Variants in CEP128 observed in about 807,000 individuals in gnomAD.
CEP128 encodes the protein centrosomal protein 128kDa.
In CEP128, 132 loss-of-function variants were observed where a neutral mutation model predicts 156.7. The observed-to-expected ratio is 0.84, with a 90% CI of 0.73 to 0.97. The LOEUF is 0.97. Among genes scored for constraint, CEP128 ranks in the 50% least tolerant of loss-of-function variants. The probability of loss-of-function intolerance (pLI) is 0.00; values close to 1 mark genes in which losing one functional copy is unlikely to be tolerated. For synonymous variants in CEP128, 469 were observed against 448.9 expected (o/e 1.04, Z -0.57); for missense variants, 1,252 against 1,281.9 (o/e 0.98, Z 0.36).
chr14:80,601,632 T>A (rs1892585858), intron 19 of CEP128, among the ~76,000 whole-genome samples: 1 of 152,176 alleles, frequency 6.6e-6, no homozygotes, highest in African/African-American at 2.4e-5. Context: ...GCAATGAACA[T>A]GTTTGTACAG....
chr14:80,766,363 T>C (rs186513996), intron 16 of CEP128, among the ~76,000 whole-genome samples: 2 of 152,330 alleles, frequency 1.3e-5, no homozygotes, highest in Admixed American at 6.5e-5. Flanking sequence ...TTAACTGGTT[T>C]GATGAACTGT....
intron 23 of CEP128, among the ~76,000 whole-genome samples, chr14:80,507,914 AT>A (rs888541873): frequency 7.2e-5 from 11 of 152,006 alleles, no homozygotes; most frequent in Non-Finnish European, 1.6e-4. Context: ...TAATAATTTA[AT>A]TTTTTTTGTT....
At chr14:80,570,051 T>C (rs1313573340) in intron 20 of CEP128, among the ~76,000 whole-genome samples, 3 of 152,214 alleles carry the variant, frequency 2.0e-5, no homozygotes, top group Non-Finnish European at 2.9e-5. Flanking sequence ...ACTAGTACCA[T>C]AAAAATCAAA....
chr14:80,934,175 A>C (rs550433193), intron 2 of CEP128, among the ~76,000 whole-genome samples: 40 of 152,190 alleles, frequency 2.6e-4, no homozygotes, highest in Non-Finnish European at 5.4e-4. Flanking sequence ...CTCCTGTCTT[A>C]ATAAGTTACA....
intron 19 of CEP128, among the ~76,000 whole-genome samples, chr14:80,587,500 C>A (rs1002694545): frequency 1.3e-5 from 2 of 152,132 alleles, no homozygotes; most frequent in African/African-American, 4.8e-5. Context: ...TCTGGTGAAA[C>A]TTTCCACTTC....
chr14:80,607,481 T>C (rs79660252), intron 19 of CEP128, among the ~76,000 whole-genome samples: 1,616 of 152,322 alleles, frequency 0.011, 8 homozygotes, highest in Middle Eastern at 0.017. Flanking sequence ...AGTGTTCACA[T>C]GCACAAAGCT....
At chr14:80,742,995 G>A in intron 19 of CEP128, 80 bp downstream of exon 19, 1 of 1,236,672 alleles carries the variant, frequency 8.1e-7, no homozygotes, top group South Asian at 1.3e-5. Flanking sequence ...GGATGCAACA[G>A]AAGTAGGTTT....
At chr14:80,507,042 T>A (rs1005556858) in intron 23 of CEP128, among the ~76,000 whole-genome samples, 29 of 151,512 alleles carry the variant, frequency 1.9e-4, no homozygotes, top group Non-Finnish European at 7.4e-5. Context: ...CAGCTCTTGC[T>A]GCTGCTTTTG....
downstream of CEP128, among the ~76,000 whole-genome samples, chr14:80,488,657 C>A (rs76584896): frequency 6.6e-5 from 10 of 151,848 alleles, no homozygotes; most frequent in East Asian, 7.8e-4. Flanking sequence ...GGATTATAAA[C>A]CATGTTGCTA....
chr14:80,842,132 T>C (rs914431909), intron 9 of CEP128, among the ~76,000 whole-genome samples: 1 of 152,098 alleles, frequency 6.6e-6, no homozygotes. Flanking sequence ...AATAATGTAC[T>C]TTTCTATTAT....
At chr14:80,801,933 A>AAAAAAAAG (rs1883892770) in intron 13 of CEP128, among the ~76,000 whole-genome samples, 1 of 150,046 alleles carries the variant, frequency 6.7e-6, no homozygotes, top group Non-Finnish European at 1.5e-5. Context: ...AAAAAAAAAA[A>AAAAAAAAG]AAAAGCTCAA....
At chr14:80,635,594 T>C (rs1336975005) in intron 19 of CEP128, among the ~76,000 whole-genome samples, 3 of 152,202 alleles carry the variant, frequency 2.0e-5, no homozygotes, top group South Asian at 2.1e-4. Flanking sequence ...CTGACATTAG[T>C]AGGTTTTCAA....
intron 19 of CEP128, among the ~76,000 whole-genome samples, chr14:80,600,182 T>C (rs1892521574): frequency 6.6e-6 from 1 of 152,012 alleles, no homozygotes; most frequent in Admixed American, 6.6e-5. Flanking sequence ...AAAAAGAAAG[T>C]GGGGAAGAAA....
downstream of CEP128, among the ~76,000 whole-genome samples, chr14:80,487,491 C>T (rs1406452526): frequency 6.6e-6 from 1 of 152,068 alleles, no homozygotes; most frequent in South Asian, 2.1e-4. Flanking sequence ...AACAAGGATA[C>T]CCAGGAATTG....
intron 23 of CEP128, among the ~76,000 whole-genome samples, chr14:80,522,911 A>T (rs1888807980): frequency 6.6e-6 from 1 of 152,248 alleles, no homozygotes; most frequent in African/African-American, 2.4e-5. Context: ...GGCGTTGTCC[A>T]GTTAGCTTGG....
In CEP128 at chr14:80,653,683, T is replaced by A. The variant is rs118012651; in HGVS notation, c.2807-73260A>T. 5.3e-3 allele frequency among the ~76,000 whole-genome samples: 803 copies of A among 152,198 alleles called. 23 individuals carry two copies. The East Asian group carries it at 0.1, about 19-fold the overall frequency. On this transcript the variant is annotated intron_variant, in intron 19 of 24. Coordinates refer to ENST00000555265, the MANE Select transcript of CEP128 (RefSeq NM_152446.5). ...CAGTGCTTATTTTCCATTACAAAAA[T>A]TATCGGGCCCTTAAGAATTATGCTA...
chr14:80,754,459 CT>C (rs758603562), intron 18 of CEP128, among the ~76,000 whole-genome samples: 2,710 of 104,800 alleles, frequency 0.026, 34 homozygotes, highest in African/African-American at 0.065. Flanking sequence ...ATGTCCTGTT[CT>C]TTTTTTTTTT....
intron 8 of CEP128, among the ~76,000 whole-genome samples, chr14:80,885,612 C>T (rs1888759560): frequency 6.6e-6 from 1 of 152,014 alleles, no homozygotes; most frequent in Admixed American, 6.6e-5. Context: ...ACAGAAAAGC[C>T]CCATCCAAAG....
Position 80,879,651 on chromosome 14 carries a change from G to A in CEP128, c.645+16067C>T, listed in dbSNP as rs553831568. Reference sequence around the variant, plus strand: ...GTATTTTGAAATGACTCAACCAGAGGGGAAAAAAGAACGAAAAAGAGTAAA... The same window carrying A: ...GTATTTTGAAATGACTCAACCAGAGAGGAAAAAAGAACGAAAAAGAGTAAA... On this transcript the variant is annotated intron_variant, in intron 8 of 24. Coordinates refer to ENST00000555265, the MANE Select transcript of CEP128 (RefSeq NM_152446.5). Among the ~76,000 whole-genome samples, 30 of 151,552 alleles carry A rather than the reference G, an allele frequency of 2.0e-4. No homozygotes were observed. In the South Asian group the frequency reaches 6.0e-3, roughly 31 times the overall value.
Sources: gnomAD v4.1 joint callset for allele counts (sites outside exome capture counted in the v4.1 genomes callset) on GRCh38, gnomAD v4.1.1 for gene constraint, MANE v1.5 for transcripts, NCBI Gene and HGNC (gene_info 2026-07-23, HGNC 2026-07-21) for gene names.